The following HDAC3 variants were observed in gnomAD, a reference collection of about 807,000 sequenced individuals.
The protein encoded by HDAC3 is histone deacetylase 3, also known as SMAP45.
Under a neutral mutation model 62.3 loss-of-function variants are expected in HDAC3, and 21 were observed. The observed-to-expected ratio is 0.34, with a 90% CI of 0.24 to 0.49. The LOEUF (loss-of-function observed/expected upper bound fraction) is 0.49, where lower values mean the gene tolerates loss of function less well. Ranked by LOEUF, HDAC3 falls within the 20% of genes least tolerant of loss-of-function variation. The probability of loss-of-function intolerance (pLI) is 0.99; values close to 1 mark genes in which losing one functional copy is unlikely to be tolerated. For synonymous variants in HDAC3, 198 were observed against 206.5 expected, an observed-to-expected ratio of 0.96 and a Z score of 0.35; for missense variants, 270 against 556.9, an observed-to-expected ratio of 0.48 and a Z score of 5.19.
chr5:141,628,078 G>A lies in HDAC3; in HGVS notation c.765+36C>T. 6.2e-7 allele frequency: 1 copy of A among 1,608,872 alleles called. No homozygotes were observed. The highest frequency in any genetic ancestry group is 1.7e-5 in the Admixed American group (1 of 60,010). On this transcript the variant is annotated intron_variant, in intron 9 of 14. Coordinates refer to ENST00000305264, the MANE Select transcript of HDAC3 (RefSeq NM_003883.4). The surrounding 1 kb of genome is among the most constrained non-coding windows in gnomAD (Gnocchi z 4.7). ...CCCTTGCTCTCTTTCCCCAAGCCCA[G>A]GCAGAACACTCCTGAGGAGGAACTG... is the stretch of plus-strand genomic sequence containing the variant.
In HDAC3 at chr5:141,625,367, T is replaced by C; in HGVS notation, c.1060-2A>G. The C allele has an allele frequency of 6.2e-7, 1 of 1,614,010 alleles. No homozygotes were observed. Among genetic ancestry groups the C allele is most frequent in the Non-Finnish European group, 8.5e-7 (1 of 1,179,966 alleles). On this transcript the variant is annotated splice_acceptor_variant, in intron 13 of 14. Transcript: ENST00000305264. LOFTEE classifies it high-confidence loss of function. This position sits in a 1 kb window ranked among gnomAD's most constrained non-coding sequence, Gnocchi z 4.0. ...TGTCTGGCGGATCTGGTCCAGATACTGGTTGGAAATGAGGAATACAGAGTG... is the reference window on the plus strand; with the variant it reads ...TGTCTGGCGGATCTGGTCCAGATACCGGTTGGAAATGAGGAATACAGAGTG...
chr5:141,627,803 G>A (rs779562753), intron 10 of HDAC3, 90 bp downstream of exon 10: 2 of 1,060,232 alleles, frequency 1.9e-6, no homozygotes, highest in Non-Finnish European at 3.0e-6. Context: ...CCAAGAAGAG[G>A]TGAGGCCCAT....
Position 141,621,031 on chromosome 5 carries a change from C to T in HDAC3, c.*437G>A, listed in dbSNP as rs548093930. ...TTCAGGTGTTAGGGAGCCAGAGCCC[C>T]TTCCAAATCTCTCTCTCTTCATCTT... On this transcript the variant is annotated 3_prime_UTR_variant, in exon 15 of 15. Coordinates refer to ENST00000305264, the MANE Select transcript of HDAC3 (RefSeq NM_003883.4). The T allele has an allele frequency of 4.9e-6, 1 of 203,058 alleles. No individual in the cohort carries two copies. Among genetic ancestry groups the T allele is most frequent in the African/African-American group, 2.4e-5 (1 of 41,826 alleles). 12.6% of individuals were successfully genotyped at this position (203,058 alleles called of 1,614,324 possible). A position where few individuals can be genotyped will look rare whatever the true frequency, so the allele number is the denominator to read the frequency against.
At position 141,629,448 on chromosome 5, in the gene HDAC3, C is replaced by A; in HGVS notation, c.477-142G>T. 1 of 1,187,076 alleles carries A rather than the reference C, an allele frequency of 8.4e-7. No individual in the cohort carries two copies. 73.5% of individuals were successfully genotyped at this position (1,187,076 alleles called of 1,614,324 possible). On this transcript the variant is annotated intron_variant, in intron 6 of 14. Transcript: ENST00000305264. The surrounding 1 kb of genome is among the most constrained non-coding windows in gnomAD (Gnocchi z 5.3). ...AATGTCACCAGTTCCCTAAAGGCAACTGGGGGCTCCAGCCTAGAGGCTAGA... is the reference window on the plus strand; with the variant it reads ...AATGTCACCAGTTCCCTAAAGGCAAATGGGGGCTCCAGCCTAGAGGCTAGA...
At chr5:141,622,583 CAG>C (rs2099903859) in intron 14 of HDAC3, among the ~76,000 whole-genome samples, 1 of 147,522 alleles carries the variant, frequency 6.8e-6, no homozygotes. Flanking sequence ...AGCCTGGCAA[CAG>C]AGTGAGACTC....
At position 141,629,603 on chromosome 5, in the gene HDAC3, G is replaced by C; in HGVS notation, c.476+81C>G. On this transcript the variant is annotated intron_variant, in intron 6 of 14. Coordinates refer to ENST00000305264, the MANE Select transcript of HDAC3 (RefSeq NM_003883.4). This position sits in a 1 kb window ranked among gnomAD's most constrained non-coding sequence, Gnocchi z 5.3. ...GGAGAAGCTAATCAGGGAGGAGGGA[G>C]GTCAAGGTCAGGGTTGAGACTGAGA... 7.3e-7 allele frequency: 1 copy of C among 1,372,246 alleles called. No individual in the cohort carries two copies. The highest frequency in any genetic ancestry group is 1.0e-6 in the Non-Finnish European group (1 of 973,474). The allele number at this position is 1,372,246 out of a possible 1,614,324, so 85.0% of individuals were successfully genotyped here.
intron 3 of HDAC3, among the ~76,000 whole-genome samples, chr5:141,633,554 G>C (rs570244778): frequency 1.3e-5 from 2 of 151,956 alleles, no homozygotes; most frequent in Admixed American, 1.3e-4. Flanking sequence ...AGCTGGGTGC[G>C]ATGGCTCACG....
rs753411760 is a variant in HDAC3 at position 141,636,800 on chromosome 5, G to A, written c.-10C>T. ...CCACGGTCTTGGCCATGGTGCCGGC[G>A]GGAGCAGGCCCCGCACCTCCGCCGC... On this transcript the variant is annotated 5_prime_UTR_variant, in exon 1 of 15. Transcript: ENST00000305264. 5.6e-6 allele frequency: 9 copies of A among 1,599,782 alleles called. No homozygotes were observed. The highest frequency in any genetic ancestry group is 5.1e-5 in the Admixed American group (3 of 58,838).
At position 141,625,351 on chromosome 5, in the gene HDAC3, G is replaced by A. The variant is rs774182566; in HGVS notation, c.1074C>T (p.Ile358=). The change falls in exon 14 of 15, where the codon ATC becomes ATT. Residue 358 remains isoleucine (I), a synonymous_variant. Transcript: ENST00000305264. The surrounding 1 kb of genome is among the most constrained non-coding windows in gnomAD (Gnocchi z 4.0). ...TCAGGTTTTCAAAGATTGTCTGGCG[G>A]ATCTGGTCCAGATACTGGTTGGAAA... ...NQNSRQYLDQ[I]RQTIFENLKM... is the part of the protein sequence containing the mutation. 11 of 1,613,968 alleles carry A rather than the reference G, an allele frequency of 6.8e-6. No individual in the cohort carries two copies. Among genetic ancestry groups the A allele is most frequent in the Admixed American group, 6.7e-5 (4 of 59,978 alleles).
chr5:141,625,693 A>C lies in HDAC3; in HGVS notation c.1051T>G (p.Ser351Ala). Reference protein sequence around the residue: ...DVSTRIENQNSRQYLDQIRQT... With the variant: ...DVSTRIENQNARQYLDQIRQT... ...TTTTCTGAGCTGCTGACCTGGCGTG[A>C]GTTCTGATTCTCGATGCGGGTGCTG... Residue 351 changes from serine (S) to alanine (A), a missense_variant, in exon 13 of 15, where the codon TCA (serine) becomes GCA (alanine). Around this residue, in one of 5 missense-constraint regions of HDAC3, gnomAD observed 156 missense variants for 383.9 expected, o/e 0.41. Transcript: ENST00000305264. The surrounding 1 kb of genome is among the most constrained non-coding windows in gnomAD (Gnocchi z 4.0). 1 of 1,614,058 alleles carries C rather than the reference A, an allele frequency of 6.2e-7. No individual in the cohort carries two copies. Among genetic ancestry groups the C allele is most frequent in the South Asian group, 1.1e-5 (1 of 91,074 alleles).
At position 141,632,796 on chromosome 5, in the gene HDAC3, AC is replaced by A. The variant is rs560010923; in HGVS notation, c.281+2014del. 2.2e-4 allele frequency among the ~76,000 whole-genome samples: 33 copies of A among 152,312 alleles called. No individual in the cohort carries two copies. The East Asian group carries it at 6.4e-3, about 29-fold the overall frequency. On this transcript the variant is annotated intron_variant, in intron 3 of 14. Transcript: ENST00000305264. Reference sequence around the variant, plus strand: ...AGGCCTTGAAGAGGTTGAATAGAGAACTAAGGGCATTCCAGGAAGGCATCCT... The same window carrying A: ...AGGCCTTGAAGAGGTTGAATAGAGAATAAGGGCATTCCAGGAAGGCATCCT...
chr5:141,625,860 T>C lies in HDAC3; in HGVS notation c.980-96A>G. On this transcript the variant is annotated intron_variant, in intron 12 of 14. Coordinates refer to ENST00000305264, the MANE Select transcript of HDAC3 (RefSeq NM_003883.4). The surrounding 1 kb of genome is among the most constrained non-coding windows in gnomAD (Gnocchi z 4.0). ...CTTCCCATCCAGAGCACCTACATAA[T>C]AGCTGCCCAATCTCTTCCCTGCTCT... 1 of 1,333,862 alleles carries C rather than the reference T, an allele frequency of 7.5e-7. No homozygotes were observed. Among genetic ancestry groups the C allele is most frequent in the Non-Finnish European group, 1.1e-6 (1 of 925,762 alleles). The allele number at this position is 1,333,862 out of a possible 1,614,324, so 82.6% of individuals were successfully genotyped here. A position where few individuals can be genotyped will look rare whatever the true frequency, so the allele number is the denominator to read the frequency against.
intron 3 of HDAC3, among the ~76,000 whole-genome samples, chr5:141,634,577 AG>A (rs1390096220): frequency 6.6e-6 from 1 of 152,256 alleles, no homozygotes; most frequent in African/African-American, 2.4e-5. Flanking sequence ...TATAAGACTT[AG>A]CAAAAATACG....
chr5:141,629,716 G>A lies in HDAC3; in HGVS notation c.444C>T (p.Asn148=), dbSNP rs1483000113. Residue 148 remains asparagine, a synonymous_variant, in exon 6 of 15, where the codon AAC becomes AAT. Transcript: ENST00000305264. The surrounding 1 kb of genome is among the most constrained non-coding windows in gnomAD (Gnocchi z 5.3). ...KFEASGFCYV[N]DIVIGILELL... is the part of the protein sequence containing the mutation. ...GCTCCAGGATGCCAATCACAATGTC[G>A]TTGACATAGCAGAAGCCAGAGGCCT... The A allele has an allele frequency of 9.9e-6, 16 of 1,613,992 alleles. No homozygotes were observed. The highest frequency in any genetic ancestry group is 6.7e-5 in the East Asian group (3 of 44,892).
chr5:141,621,468 T>C lies in HDAC3; in HGVS notation c.1287A>G (p.Ter429=), dbSNP rs1469988374. ...TGGGACACAGCATCCCAAGCCACTC[T>C]TAAATCTCCACATCGCTTTCCTTGT... ...DNDKESDVEI[*] is the part of the protein sequence containing the mutation. The change falls in exon 15 of 15, where the codon TAA becomes TAG. Residue 429 remains the stop codon, a stop_retained_variant. Coordinates refer to ENST00000305264, the MANE Select transcript of HDAC3 (RefSeq NM_003883.4). 1 of 1,613,770 alleles carries C rather than the reference T, an allele frequency of 6.2e-7. No homozygotes were observed. The highest frequency in any genetic ancestry group is 2.2e-5 in the East Asian group (1 of 44,864).
intron 14 of HDAC3, among the ~76,000 whole-genome samples, chr5:141,623,942 A>G (rs2099904050): frequency 6.6e-6 from 1 of 151,850 alleles, no homozygotes; most frequent in Admixed American, 6.6e-5. Context: ...TTCATTTTTC[A>G]GCAAAGTTTT....
In HDAC3 at chr5:141,625,811, T is replaced by G; in HGVS notation, c.980-47A>C. The G allele has an allele frequency of 6.5e-7, 1 of 1,547,842 alleles. No individual in the cohort carries two copies. The highest frequency in any genetic ancestry group is 8.9e-7 in the Non-Finnish European group (1 of 1,119,540). ...TATGGCTCAGACTGAGAAAGGCAGC[T>G]AACAAGACTTCCCAATCTTTTTCCT... On this transcript the variant is annotated intron_variant, in intron 12 of 14. Coordinates refer to ENST00000305264, the MANE Select transcript of HDAC3 (RefSeq NM_003883.4). The surrounding 1 kb of genome is among the most constrained non-coding windows in gnomAD (Gnocchi z 4.0).
chr5:141,625,562 A>T lies in HDAC3; in HGVS notation c.1059+123T>A. The T allele has an allele frequency of 8.8e-7, 1 of 1,139,106 alleles. No homozygotes were observed. 70.6% of individuals were successfully genotyped at this position (1,139,106 alleles called of 1,614,324 possible). On this transcript the variant is annotated intron_variant, in intron 13 of 14. Transcript: ENST00000305264. The surrounding 1 kb of genome is among the most constrained non-coding windows in gnomAD (Gnocchi z 4.0). ...TAAACTGGACTGCCTCCTAGTCAAT[A>T]ACAGTGACTGTGATGGCTTAGAACT...
At chr5:141,636,683 C>A in intron 1 of HDAC3, 53 bp from the exon 2 acceptor site, 2 of 1,613,206 alleles carry the variant, frequency 1.2e-6, no homozygotes, top group South Asian at 2.2e-5. Context: ...AGTTGCAACC[C>A]CGCCTCAAAA....
Sources: allele counts gnomAD v4.1 joint callset (sites outside exome capture counted in the v4.1 genomes callset), GRCh38; gene constraint gnomAD v4.1.1; regional missense constraint gnomAD v4.1.1; non-coding constraint Gnocchi (gnomAD v3.1); transcripts MANE v1.5; gene names NCBI Gene and HGNC (gene_info 2026-07-23, HGNC 2026-07-21).